TRIP12: variants seen among roughly 807,000 people sequenced by gnomAD.
The protein encoded by TRIP12 is E3 ubiquitin-protein ligase TRIP12.
In TRIP12, 25 loss-of-function variants were observed where a neutral mutation model predicts 244.2. The ratio of observed to expected loss-of-function variants is 0.10; its 90% CI spans 0.07 to 0.14. The LOEUF is 0.14. TRIP12 is among the 10% of genes least tolerant of loss of function. The pLI is 1.00. For synonymous variants in TRIP12, 905 were observed against 873.1 expected (o/e 1.04, Z -0.64); for missense variants, 1,677 against 2,486.4 (o/e 0.67, Z 6.92).
rs1420746491 is a variant in TRIP12, at chr2:229,857,467, A to G, written c.1027+1305T>C. Among the ~76,000 whole-genome samples, 4 of 152,044 alleles carry G rather than the reference A, an allele frequency of 2.6e-5. No individual in the cohort carries two copies. In the East Asian group the frequency reaches 5.8e-4, roughly 22 times the overall value. ...AACATGGTGAAACTCCCTCTCTACTAAAAATACAAAAATTAGCTGGGTGTG... is the reference window on the plus strand; with the variant it reads ...AACATGGTGAAACTCCCTCTCTACTGAAAATACAAAAATTAGCTGGGTGTG... On this transcript the variant is annotated intron_variant, in intron 4 of 41. Coordinates refer to ENST00000675903, the MANE Select transcript of TRIP12 (RefSeq NM_001348323.3).
chr2:229,780,813 G>A (rs1220942087), intron 34 of TRIP12, among the ~76,000 whole-genome samples: 1 of 152,022 alleles, frequency 6.6e-6, no homozygotes, highest in Non-Finnish European at 1.5e-5. Context: ...GTATGTATTG[G>A]CCTCCCCAAA....
chr2:229,819,728 A>T (rs1449057459), intron 8 of TRIP12, among the ~76,000 whole-genome samples: 1 of 152,186 alleles, frequency 6.6e-6, no homozygotes, highest in East Asian at 1.9e-4. Context: ...GGACTTTTCC[A>T]GTCCTATATC....
intron 1 of TRIP12, among the ~76,000 whole-genome samples, chr2:229,903,070 T>A (rs1240498093): frequency 7.1e-6 from 1 of 141,784 alleles, no homozygotes; most frequent in Non-Finnish European, 1.5e-5. Flanking sequence ...AGTAATAAGA[T>A]ATACAGGGAG....
At chr2:229,808,435 A>T (rs1473131391) in intron 15 of TRIP12, 66 bp from the exon 16 acceptor site, 1 of 994,970 alleles carries the variant, frequency 1.0e-6, no homozygotes, top group African/African-American at 1.6e-5. Flanking sequence ...TTCAAAGGCA[A>T]ACATTGCCCA....
At chr2:229,769,433 A>C in intron 39 of TRIP12, 108 bp from the exon 40 acceptor site, 1 of 751,096 alleles carries the variant, frequency 1.3e-6, no homozygotes, top group Non-Finnish European at 2.0e-6. Context: ...TCAGTACTAA[A>C]ACCTTCTGCT....
chr2:229,887,503 T>C (rs2066292891), intron 1 of TRIP12, among the ~76,000 whole-genome samples: 1 of 152,098 alleles, frequency 6.6e-6, no homozygotes, highest in Non-Finnish European at 1.5e-5. Context: ...GCAGATCAAG[T>C]AGAAAGCTAC....
chr2:229,879,068 C>A (rs1042860188), intron 2 of TRIP12, among the ~76,000 whole-genome samples: 1 of 151,926 alleles, frequency 6.6e-6, no homozygotes, highest in Non-Finnish European at 1.5e-5. Flanking sequence ...GCTTGGCCAC[C>A]GTGGCAAAAT....
chr2:229,864,001 TGAAAGA>T (rs1303620540), intron 2 of TRIP12, among the ~76,000 whole-genome samples: 2,790 of 113,110 alleles, frequency 0.025, 37 homozygotes, highest in African/African-American at 0.038. Flanking sequence ...AAGATTTGGG[TGAAAGA>T]GAGAGAGAGA....
rs961276836 is a variant in TRIP12, at chr2:229,765,782, G to A, written c.*1772C>T. 6.6e-6 allele frequency: 1 copy of A among 152,186 alleles called. No homozygotes were observed. The highest frequency in any genetic ancestry group is 1.5e-5 in the Non-Finnish European group (1 of 68,038). The allele number at this position is 152,186 out of a possible 1,614,324, so 9.4% of individuals were successfully genotyped here. ...GATGAAGCTGCTCAGCAACTGTGCT[G>A]TTAGTGGTGAAAACTGCAGAAACAC... On this transcript the variant is annotated 3_prime_UTR_variant, in exon 42 of 42. Transcript: ENST00000675903.
intron 2 of TRIP12, among the ~76,000 whole-genome samples, chr2:229,863,403 A>G (rs1213327160): frequency 6.6e-6 from 1 of 152,178 alleles, no homozygotes; most frequent in Non-Finnish European, 1.5e-5. Flanking sequence ...CATGGGACTT[A>G]ATACATTTTC....
chr2:229,799,072 C>A, intron 22 of TRIP12, 23 bp from the exon 23 acceptor site: 1 of 1,610,858 alleles, frequency 6.2e-7, no homozygotes, highest in Non-Finnish European at 8.5e-7. Flanking sequence ...AAAAGAACTA[C>A]AGTTAAGTCA....
At chr2:229,822,599 G>GA (rs2050365902) in intron 8 of TRIP12, among the ~76,000 whole-genome samples, 1 of 152,092 alleles carries the variant, frequency 6.6e-6, no homozygotes, top group South Asian at 2.1e-4. Flanking sequence ...TTTTGGTAGA[G>GA]AAAAAAGAAA....
intron 1 of TRIP12, among the ~76,000 whole-genome samples, chr2:229,885,008 T>C (rs2154357515): frequency 6.6e-6 from 1 of 152,296 alleles, no homozygotes; most frequent in Admixed American, 6.5e-5. Flanking sequence ...CATATTGCAC[T>C]AGTGACATTC....
intron 4 of TRIP12, among the ~76,000 whole-genome samples, chr2:229,850,057 G>A (rs1220823150): frequency 1.3e-5 from 2 of 152,068 alleles, no homozygotes; most frequent in Admixed American, 1.3e-4. Flanking sequence ...AATCAGAAGT[G>A]TCAAAACCAT....
At chr2:229,806,856 T>C (rs2046011146) in intron 17 of TRIP12, among the ~76,000 whole-genome samples, 1 of 152,204 alleles carries the variant, frequency 6.6e-6, no homozygotes, top group Non-Finnish European at 1.5e-5. Flanking sequence ...TCAAAATGTG[T>C]GATGTTCTAA....
At chr2:229,873,743 A>G (rs1407402309) in intron 2 of TRIP12, among the ~76,000 whole-genome samples, 4 of 152,200 alleles carry the variant, frequency 2.6e-5, no homozygotes, top group Non-Finnish European at 4.4e-5. Flanking sequence ...CTAAAAATGT[A>G]AAGAAAAATA....
At chr2:229,850,808 C>A (rs1176843149) in intron 4 of TRIP12, among the ~76,000 whole-genome samples, 1 of 152,194 alleles carries the variant, frequency 6.6e-6, no homozygotes, top group South Asian at 2.1e-4. Context: ...GCCCCACACT[C>A]GGAGGAGCAG....
chr2:229,811,635 T>C (rs186511186), intron 13 of TRIP12, among the ~76,000 whole-genome samples: 1 of 152,226 alleles, frequency 6.6e-6, no homozygotes, highest in East Asian at 1.9e-4. Context: ...ATGTTAAAAA[T>C]AGGGCATAGA....
At chr2:229,767,831 G>A (rs746423113) in intron 41 of TRIP12, 81 bp from the exon 42 acceptor site, 111 of 1,350,042 alleles carry the variant, frequency 8.2e-5, no homozygotes, top group African/African-American at 1.5e-4. Context: ...CTGCTTTGCC[G>A]TACAATATTA....
Sources: allele counts gnomAD v4.1 joint callset (sites outside exome capture counted in the v4.1 genomes callset), GRCh38; gene constraint gnomAD v4.1.1; transcripts MANE v1.5; gene names NCBI Gene and HGNC (gene_info 2026-07-23, HGNC 2026-07-21).